The following PTPRM variants were observed in gnomAD, a reference collection of about 807,000 sequenced individuals.
The protein encoded by PTPRM is protein tyrosine phosphatase receptor type M.
PTPRM carries 47 observed loss-of-function variants against 186.7 expected under a neutral mutation model. The observed-to-expected ratio is 0.25, with a 90% CI of 0.20 to 0.32. The LOEUF (loss-of-function observed/expected upper bound fraction) is 0.32. Ranked by LOEUF, PTPRM falls within the 10% of genes least tolerant of loss-of-function variation. The pLI, the probability that PTPRM is intolerant of heterozygous loss-of-function variation, is 1.00. For synonymous variants in PTPRM, 668 were observed against 674.9 expected, an observed-to-expected ratio of 0.99 and a Z score of 0.16; for missense variants, 1,494 against 1,865.0, an observed-to-expected ratio of 0.80 and a Z score of 3.66.
At position 7,586,350 on chromosome 18, in the gene PTPRM, C is replaced by T. The variant is rs2036979869; in HGVS notation, c.73+18459C>T. ...TGTAAGTGCACTGGCAATGAGGTGG[C>T]AGGACTAAGGACCTGGGGGAAAGAA... On this transcript the variant is annotated intron_variant, in intron 1 of 32. Transcript: ENST00000580170. 3.9e-5 allele frequency among the ~76,000 whole-genome samples: 6 copies of T among 152,242 alleles called. No individual in the cohort carries two copies. In the South Asian group the frequency reaches 1.2e-3, roughly 32 times the overall value.
chr18:7,602,883 TATC>T (rs931150254), intron 1 of PTPRM, among the ~76,000 whole-genome samples: 1 of 147,398 alleles, frequency 6.8e-6, no homozygotes, highest in African/African-American at 2.5e-5. Flanking sequence ...ATTATGAAAA[TATC>T]TAAGAACGAT....
chr18:8,145,303 G>C (rs765588189), intron 14 of PTPRM, among the ~76,000 whole-genome samples: 1 of 152,072 alleles, frequency 6.6e-6, no homozygotes, highest in Non-Finnish European at 1.5e-5. Context: ...AAAATGGAGA[G>C]TTCAGCTTTG....
At chr18:8,289,539 T>TATATATATACACATATATATACAC (rs1568674684) in intron 19 of PTPRM, among the ~76,000 whole-genome samples, 3 of 56,870 alleles carry the variant, frequency 5.3e-5, no homozygotes, top group African/African-American at 3.6e-4. Flanking sequence ...TATATACACA[T>TATATATATACACATATATATACAC]ATATATATAT....
intron 2 of PTPRM, among the ~76,000 whole-genome samples, chr18:7,858,406 TTAAA>T (rs2047191289): frequency 6.6e-6 from 1 of 151,836 alleles, no homozygotes; most frequent in African/African-American, 2.4e-5. Context: ...AAAAAAAAAA[TTAAA>T]TAAGCCAGGC....
At chr18:8,179,862 A>G (rs759352273) in intron 14 of PTPRM, among the ~76,000 whole-genome samples, 4 of 152,220 alleles carry the variant, frequency 2.6e-5, no homozygotes, top group Non-Finnish European at 5.9e-5. Flanking sequence ...TTTTCTTTAT[A>G]ACCTTCCTTA....
At chr18:8,194,927 G>A (rs1263999703) in intron 14 of PTPRM, among the ~76,000 whole-genome samples, 2 of 152,026 alleles carry the variant, frequency 1.3e-5, no homozygotes, top group African/African-American at 2.4e-5. Context: ...GCATACAAAC[G>A]TTTCTTCTCA....
chr18:8,345,691 T>C (rs1271609904), intron 23 of PTPRM, among the ~76,000 whole-genome samples: 1 of 151,228 alleles, frequency 6.6e-6, no homozygotes, highest in East Asian at 1.9e-4. Context: ...ATTATATACA[T>C]TTTATAAAAA....
At chr18:8,167,056 G>C (rs2146407123) in intron 14 of PTPRM, among the ~76,000 whole-genome samples, 1 of 152,304 alleles carries the variant, frequency 6.6e-6, no homozygotes, top group African/African-American at 2.4e-5. Context: ...TTGGACACAG[G>C]CTCTGCTCAC....
intron 15 of PTPRM, 80 bp from the exon 16 acceptor site, chr18:8,247,765 C>G: frequency 9.8e-7 from 1 of 1,019,174 alleles, no homozygotes; most frequent in South Asian, 1.3e-5. Flanking sequence ...ATGGAGTCAC[C>G]ATGGGTGGTC....
intron 14 of PTPRM, among the ~76,000 whole-genome samples, chr18:8,219,998 T>C (rs1317228500): frequency 1.3e-5 from 2 of 152,188 alleles, no homozygotes; most frequent in African/African-American, 4.8e-5. Flanking sequence ...ACGAGGTGTG[T>C]CTGACCTCCC....
chr18:7,895,409 G>C (rs538976050), intron 3 of PTPRM, among the ~76,000 whole-genome samples: 1 of 152,284 alleles, frequency 6.6e-6, no homozygotes, highest in African/African-American at 2.4e-5. Context: ...AAATGAAAAA[G>C]GGTTCCAGGA....
At chr18:7,633,555 C>G (rs1280719085) in intron 1 of PTPRM, among the ~76,000 whole-genome samples, 1 of 152,160 alleles carries the variant, frequency 6.6e-6, no homozygotes, top group Non-Finnish European at 1.5e-5. Flanking sequence ...TCTTGGAATC[C>G]CCATGTTGTC....
At chr18:7,987,626 G>A (rs554772169) in intron 7 of PTPRM, among the ~76,000 whole-genome samples, 4 of 152,218 alleles carry the variant, frequency 2.6e-5, no homozygotes, top group South Asian at 2.1e-4. Context: ...GGCACAGCTG[G>A]GGCTGATGGT....
At chr18:7,681,217 T>TAA (rs397975392) in intron 1 of PTPRM, among the ~76,000 whole-genome samples, 1 of 151,938 alleles carries the variant, frequency 6.6e-6, no homozygotes, top group African/African-American at 2.4e-5. Flanking sequence ...ATAATAATAA[T>TAA]GGATAAACTT....
chr18:8,280,519 G>A (rs2094891423), intron 19 of PTPRM, among the ~76,000 whole-genome samples: 1 of 152,136 alleles, frequency 6.6e-6, no homozygotes, highest in Non-Finnish European at 1.5e-5. Flanking sequence ...GCTGGGCAAG[G>A]CATCAGCCTC....
chr18:8,289,575 T>TATATATACAC (rs1555845744), intron 19 of PTPRM, among the ~76,000 whole-genome samples: 10 of 109,212 alleles, frequency 9.2e-5, no homozygotes, highest in Admixed American at 4.6e-4. Context: ...TATATATATA[T>TATATATACAC]ACATATATAT....
At chr18:8,132,309 A>T (rs916250070) in intron 13 of PTPRM, among the ~76,000 whole-genome samples, 2 of 152,184 alleles carry the variant, frequency 1.3e-5, no homozygotes, top group Admixed American at 1.3e-4. Flanking sequence ...GTATATGTTT[A>T]TGTACAAATG....
intron 14 of PTPRM, among the ~76,000 whole-genome samples, chr18:8,222,396 T>C (rs2147080611): frequency 6.6e-6 from 1 of 152,324 alleles, no homozygotes; most frequent in South Asian, 2.1e-4. Flanking sequence ...TGTATTCTCA[T>C]TTCATTTTCA....
intron 1 of PTPRM, among the ~76,000 whole-genome samples, chr18:7,747,224 C>T (rs998567533): frequency 8.5e-5 from 13 of 152,174 alleles, no homozygotes; most frequent in African/African-American, 2.7e-4. Flanking sequence ...CCCAGACATA[C>T]GCATTACTGC....
Sources: gnomAD v4.1 joint callset for allele counts (sites outside exome capture counted in the v4.1 genomes callset) on GRCh38, gnomAD v4.1.1 for gene constraint, MANE v1.5 for transcripts, NCBI Gene and HGNC (gene_info 2026-07-23, HGNC 2026-07-21) for gene names.